Variants in EXOC6B observed in about 807,000 individuals in gnomAD.
The protein encoded by EXOC6B is SEC15 homolog B.
In EXOC6B, 54 loss-of-function variants were observed where a neutral mutation model predicts 113.5. That is an observed-to-expected ratio of 0.48 (90% CI 0.38 to 0.60). EXOC6B has a LOEUF of 0.60. Ranked by LOEUF, EXOC6B falls within the 20% of genes least tolerant of loss-of-function variation. The pLI, the probability that EXOC6B is intolerant of heterozygous loss-of-function variation, is 0.00. For missense variants in EXOC6B, 797 were observed against 977.5 expected (o/e 0.82, Z 2.46); for synonymous variants, 357 against 339.0 (o/e 1.05, Z -0.58).
In EXOC6B at chr2:72,515,032, G is replaced by A. The variant is rs974493226; in HGVS notation, c.999+11C>T. Reference sequence around the variant, plus strand: ...GTAAAAATGTGAGAAAAGTGAAGATGGTAATCCTACCATGTTAGATGGAGG... The same window carrying A: ...GTAAAAATGTGAGAAAAGTGAAGATAGTAATCCTACCATGTTAGATGGAGG... On this transcript the variant is annotated intron_variant, in intron 9 of 21. Coordinates refer to ENST00000272427, the MANE Select transcript of EXOC6B (RefSeq NM_015189.3). The A allele has an allele frequency of 1.5e-5, 24 of 1,593,932 alleles. No individual in the cohort carries two copies. The highest frequency in any genetic ancestry group is 1.9e-5 in the Non-Finnish European group (22 of 1,169,126).
chr2:72,450,481 G>A (rs1054723671), intron 18 of EXOC6B, among the ~76,000 whole-genome samples: 1 of 152,190 alleles, frequency 6.6e-6, no homozygotes, highest in African/African-American at 2.4e-5. Flanking sequence ...TTAAAACAGT[G>A]AGAGAGTGTA....
At chr2:72,763,900 G>T (rs1217467465) in intron 1 of EXOC6B, among the ~76,000 whole-genome samples, 1 of 151,670 alleles carries the variant, frequency 6.6e-6, no homozygotes, top group Non-Finnish European at 1.5e-5. Context: ...GGGCAACATG[G>T]TGAAACCTTG....
chr2:72,613,013 T>C (rs991622323), intron 6 of EXOC6B, among the ~76,000 whole-genome samples: 1 of 152,168 alleles, frequency 6.6e-6, no homozygotes, highest in Non-Finnish European at 1.5e-5. Context: ...TTTTCTGGGA[T>C]GGGTGAGAGA....
At position 72,379,819 on chromosome 2, in the gene EXOC6B, A is replaced by T. The variant is rs755369122; in HGVS notation, c.2032T>A (p.Ser678Thr). Residue 678 changes from serine (S) to threonine (T), a missense_variant, in exon 19 of 22, where the codon TCC becomes ACC. Ser to Thr is a moderately conservative substitution (Grantham distance 58). Coordinates refer to ENST00000272427, the MANE Select transcript of EXOC6B (RefSeq NM_015189.3). The part of the protein sequence containing the change: ...CMSACKHLAT[S>T]LMQLLLEAEV... ...GCTTCCAACAAAAGTTGCATCAAGG[A>T]TGTGGCTAAATGCTTGCAAGCTGAC... The T allele has an allele frequency of 6.2e-6, 10 of 1,613,022 alleles. No homozygotes were observed. The highest frequency in any genetic ancestry group is 8.5e-6 in the Non-Finnish European group (10 of 1,179,518).
At chr2:72,657,645 A>C (rs531274502) in intron 6 of EXOC6B, among the ~76,000 whole-genome samples, 1 of 134,148 alleles carries the variant, frequency 7.5e-6, no homozygotes, top group Non-Finnish European at 1.5e-5. Context: ...GGACAACTGA[A>C]ACTCAAATAG....
At chr2:72,680,041 T>G (rs1462111614) in intron 6 of EXOC6B, among the ~76,000 whole-genome samples, 1 of 152,202 alleles carries the variant, frequency 6.6e-6, no homozygotes, top group South Asian at 2.1e-4. Context: ...CCTAAAGATG[T>G]CATTATCTCT....
intron 6 of EXOC6B, among the ~76,000 whole-genome samples, chr2:72,702,638 A>T (rs1678462831): frequency 1.4e-5 from 1 of 72,180 alleles, no homozygotes; most frequent in Admixed American, 1.6e-4. Flanking sequence ...ATGGTATCTC[A>T]TTGTGGTTTT....
At chr2:72,447,325 G>A (rs1444673480) in intron 18 of EXOC6B, among the ~76,000 whole-genome samples, 5 of 152,104 alleles carry the variant, frequency 3.3e-5, no homozygotes, top group Admixed American at 2.6e-4. Context: ...CCTCACATAT[G>A]ATAGACACCT....
intron 8 of EXOC6B, among the ~76,000 whole-genome samples, chr2:72,556,155 A>C (rs1399487556): frequency 6.6e-6 from 1 of 152,192 alleles, no homozygotes; most frequent in Admixed American, 6.5e-5. Flanking sequence ...TGAAATGCTA[A>C]AGGCATTTTT....
chr2:72,571,831 G>A lies in EXOC6B; in HGVS notation c.846+3661C>T, dbSNP rs146577968. ...GTCTATTTACCATGTGTAGATCCAT[G>A]TTCTAGGTGTTTAGCTTTTCCTACC... is the stretch of plus-strand genomic sequence containing the variant. On this transcript the variant is annotated intron_variant, in intron 7 of 21. Coordinates refer to ENST00000272427, the MANE Select transcript of EXOC6B (RefSeq NM_015189.3). Among the ~76,000 whole-genome samples, 43 of 149,218 alleles carry A rather than the reference G, an allele frequency of 2.9e-4. 1 individual carries two copies. In the East Asian group the frequency reaches 8.2e-3, roughly 28 times the overall value.
At chr2:72,802,196 G>T (rs527941896) in intron 1 of EXOC6B, among the ~76,000 whole-genome samples, 3 of 151,808 alleles carry the variant, frequency 2.0e-5, no homozygotes, top group African/African-American at 4.8e-5. Context: ...ATGGTGGCAC[G>T]TGCCTGTAAT....
At position 72,176,906 on chromosome 2, in the gene EXOC6B, A is replaced by G. The variant is rs930717872; in HGVS notation, c.*2429T>C. On this transcript the variant is annotated 3_prime_UTR_variant, in exon 22 of 22. Coordinates refer to ENST00000272427, the MANE Select transcript of EXOC6B (RefSeq NM_015189.3). ...AGGAGTCTGATGGGTCTGGGCACAC[A>G]TGCTTTGCACAAGTCCTCTCAAGGG... The G allele has an allele frequency of 6.6e-6, 1 of 152,188 alleles. No individual in the cohort carries two copies. Among genetic ancestry groups the G allele is most frequent in the Non-Finnish European group, 1.5e-5 (1 of 68,046 alleles). 9.4% of individuals were successfully genotyped at this position (152,188 alleles called of 1,614,324 possible). A position where few individuals can be genotyped will look rare whatever the true frequency, so the allele number is the denominator to read the frequency against.
chr2:72,691,747 T>A (rs1484475434), intron 6 of EXOC6B, among the ~76,000 whole-genome samples: 1 of 150,612 alleles, frequency 6.6e-6, no homozygotes, highest in Non-Finnish European at 1.5e-5. Context: ...TGTGGTGCAA[T>A]CTCAGCTCAC....
chr2:72,381,743 G>A (rs1407386833), intron 18 of EXOC6B, among the ~76,000 whole-genome samples: 2 of 152,030 alleles, frequency 1.3e-5, no homozygotes, highest in Non-Finnish European at 1.5e-5. Flanking sequence ...CTCTGCTTAT[G>A]GTATGTTCTG....
chr2:72,297,368 T>C (rs907089379), intron 20 of EXOC6B, among the ~76,000 whole-genome samples: 2 of 152,092 alleles, frequency 1.3e-5, no homozygotes, highest in African/African-American at 4.8e-5. Flanking sequence ...CCTGTTCCTC[T>C]CCCTCCTCAC....
chr2:72,422,998 C>A (rs921235686), intron 18 of EXOC6B, among the ~76,000 whole-genome samples: 10 of 152,168 alleles, frequency 6.6e-5, no homozygotes, highest in African/African-American at 2.4e-4. Flanking sequence ...GGGTCCCCTT[C>A]CACCCTGTGG....
At chr2:72,405,101 G>A (rs891639659) in intron 18 of EXOC6B, among the ~76,000 whole-genome samples, 2 of 152,282 alleles carry the variant, frequency 1.3e-5, no homozygotes, top group African/African-American at 4.8e-5. Flanking sequence ...GGAAGAAAGG[G>A]TATCAGTGAT....
intron 5 of EXOC6B, among the ~76,000 whole-genome samples, chr2:72,729,176 T>C (rs1051338780): frequency 6.6e-6 from 1 of 151,944 alleles, no homozygotes; most frequent in African/African-American, 2.4e-5. Flanking sequence ...AAGCACAGAA[T>C]AGAAGAACAT....
Position 72,427,294 on chromosome 2 carries a change from C to A in EXOC6B, c.1980+37866G>T, listed in dbSNP as rs185395799. Among the ~76,000 whole-genome samples, 627 of 152,300 alleles carry A rather than the reference C, an allele frequency of 4.1e-3. 3 individuals are homozygous for A. The highest frequency in any genetic ancestry group is 6.6e-3 in the Non-Finnish European group (449 of 68,004). On this transcript the variant is annotated intron_variant, in intron 18 of 21. Transcript: ENST00000272427. The stretch of plus-strand genomic sequence containing the variant: ...CCCAGGCTGAAAGATGTGGCCAGGG[C>A]TGCCAGCATGCTCCATGGAGCAGAC...
Sources: gnomAD v4.1 joint callset for allele counts (sites outside exome capture counted in the v4.1 genomes callset) on GRCh38, gnomAD v4.1.1 for gene constraint, MANE v1.5 for transcripts, NCBI Gene and HGNC (gene_info 2026-07-23, HGNC 2026-07-21) for gene names.